Variants in TDRD7 observed in about 807,000 individuals in gnomAD.
The protein encoded by TDRD7 is tudor domain containing 7.
In TDRD7, 47 loss-of-function variants were observed where a neutral mutation model predicts 109.8. The observed-to-expected ratio is 0.43, with a 90% CI of 0.34 to 0.55. The LOEUF is 0.55. TDRD7 is among the 20% of genes least tolerant of loss of function. The pLI, the probability that TDRD7 is intolerant of heterozygous loss-of-function variation, is 0.03. For missense variants in TDRD7, 1,164 were observed against 1,319.2 expected (o/e 0.88, Z 1.82); for synonymous variants, 424 against 457.3 (o/e 0.93, Z 0.93).
At chr9:97,440,872 ACTGTCAG>A (rs1159351676) in intron 5 of TDRD7, among the ~76,000 whole-genome samples, 1 of 152,206 alleles carries the variant, frequency 6.6e-6, no homozygotes, top group Non-Finnish European at 1.5e-5. Context: ...AAATTCCAGG[ACTGTCAG>A]CTATAGTAAA....
intron 4 of TDRD7, among the ~76,000 whole-genome samples, chr9:97,435,621 G>A (rs1326891884): frequency 9.2e-6 from 1 of 108,900 alleles, no homozygotes; most frequent in Non-Finnish European, 1.9e-5. Context: ...GGGTGACAGG[G>A]TAAGACCCTC....
intron 1 of TDRD7, among the ~76,000 whole-genome samples, chr9:97,414,476 C>T (rs898512406): frequency 6.6e-6 from 1 of 152,172 alleles, no homozygotes; most frequent in African/African-American, 2.4e-5. Context: ...TCTTGCCCAC[C>T]TTTCTTATCT....
At chr9:97,431,823 A>G (rs1228322408) in intron 3 of TDRD7, among the ~76,000 whole-genome samples, 1 of 152,178 alleles carries the variant, frequency 6.6e-6, no homozygotes, top group African/African-American at 2.4e-5. Flanking sequence ...GGCCAGTCTG[A>G]TGGATGAAGA....
In TDRD7 at chr9:97,460,250, G is replaced by C; in HGVS notation, c.928G>C (p.Glu310Gln). The change falls in exon 7 of 17, where the codon GAA (glutamate) becomes CAA (glutamine). Residue 310 changes from glutamate (E) to glutamine (Q), a missense_variant. Physicochemically the swap from Glu to Gln is conservative, Grantham distance 29 (BLOSUM62 2). Transcript: ENST00000355295. ...PAKRKQLLRS[E>Q]LDTEKVPLSP... is the part of the protein sequence containing the mutation. Reference sequence around the variant, plus strand: ...TAAGAGAAAGCAGCTTTTGAGAAGTGAACTGGATACTGAGAAAGTACCTCT... The same window carrying C: ...TAAGAGAAAGCAGCTTTTGAGAAGTCAACTGGATACTGAGAAAGTACCTCT... 6.2e-7 allele frequency: 1 copy of C among 1,614,204 alleles called. No homozygotes were observed. The highest frequency in any genetic ancestry group is 8.5e-7 in the Non-Finnish European group (1 of 1,180,028).
Position 97,482,986 on chromosome 9 carries a change from G to T in TDRD7, c.2550G>T (p.Leu850Phe). ...GGAAGCATCAGAAGGATGTGTTTTT[G>T]AGTGCCATATCCAGTGGAGCTGACT... ...DLWKHQKDVFLSAISSGADSP... is the reference protein window; with the variant it reads ...DLWKHQKDVFFSAISSGADSP... Residue 850 changes from leucine (L) to phenylalanine (F), a missense_variant, in exon 15 of 17, where the codon TTG becomes TTT. Coordinates refer to ENST00000355295, the MANE Select transcript of TDRD7 (RefSeq NM_014290.3). The T allele has an allele frequency of 1.2e-6, 2 of 1,614,162 alleles. No homozygotes were observed. The highest frequency in any genetic ancestry group is 1.7e-6 in the Non-Finnish European group (2 of 1,180,032).
In TDRD7 at chr9:97,445,414, A is replaced by T. The variant is rs540707935; in HGVS notation, c.855+3539A>T. On this transcript the variant is annotated intron_variant, in intron 6 of 16. Coordinates refer to ENST00000355295, the MANE Select transcript of TDRD7 (RefSeq NM_014290.3). ...AACTTTCTGTCCAATGGGAAAATAA[A>T]CATTGAACAAATAATGATAAGCCTG... is the stretch of plus-strand genomic sequence containing the variant. Among the ~76,000 whole-genome samples, 7 of 152,344 alleles carry T rather than the reference A, an allele frequency of 4.6e-5. No individual in the cohort carries two copies. In the South Asian group the frequency reaches 1.2e-3, roughly 27 times the overall value.
intron 16 of TDRD7, 131 bp from the exon 17 acceptor site, chr9:97,495,532 C>G: frequency 1.2e-6 from 1 of 850,976 alleles, no homozygotes; most frequent in Admixed American, 1.8e-5. Context: ...AACCGTTTTT[C>G]AGTTCAGGCA....
At chr9:97,449,234 C>G (rs948948852) in intron 6 of TDRD7, among the ~76,000 whole-genome samples, 1 of 152,160 alleles carries the variant, frequency 6.6e-6, no homozygotes, top group East Asian at 1.9e-4. Context: ...CAAATGTGGG[C>G]GTTTTCCCCA....
rs900710912 is a variant in TDRD7, at chr9:97,486,410, G to A, written c.2916-762G>A. 2.6e-5 allele frequency among the ~76,000 whole-genome samples: 4 copies of A among 152,114 alleles called. No homozygotes were observed. The South Asian group carries it at 8.3e-4, about 32-fold the overall frequency. ...CTGTAGGGGTAAGTAGATTCCTGTG[G>A]ATTTCCTTCTGGTGCCTTGAGCTCC... On this transcript the variant is annotated intron_variant, in intron 15 of 16. Coordinates refer to ENST00000355295, the MANE Select transcript of TDRD7 (RefSeq NM_014290.3).
At chr9:97,423,602 A>G (rs999349292) in intron 1 of TDRD7, among the ~76,000 whole-genome samples, 10 of 152,128 alleles carry the variant, frequency 6.6e-5, no homozygotes, top group African/African-American at 2.4e-4. Flanking sequence ...TTCTCAAAGT[A>G]GGAGAATAGA....
At chr9:97,461,023 C>T (rs1828712512) in intron 7 of TDRD7, among the ~76,000 whole-genome samples, 1 of 151,858 alleles carries the variant, frequency 6.6e-6, no homozygotes, top group Non-Finnish European at 1.5e-5. Context: ...TGCCTGTAGT[C>T]CCAGCTACTC....
chr9:97,478,394 C>T, intron 12 of TDRD7, 45 bp from the exon 13 acceptor site: 1 of 1,612,490 alleles, frequency 6.2e-7, no homozygotes, highest in Non-Finnish European at 8.5e-7. Flanking sequence ...GCATTTTGGT[C>T]TTTTGAATAT....
At chr9:97,487,813 A>T (rs1299149993) in intron 16 of TDRD7, among the ~76,000 whole-genome samples, 2 of 152,132 alleles carry the variant, frequency 1.3e-5, no homozygotes, top group African/African-American at 4.8e-5. Flanking sequence ...AATGGAAACA[A>T]CCTATTATAA....
chr9:97,487,761 A>G (rs1829236708), intron 16 of TDRD7, among the ~76,000 whole-genome samples: 1 of 152,194 alleles, frequency 6.6e-6, no homozygotes, highest in African/African-American at 2.4e-5. Flanking sequence ...AATATCAAGA[A>G]AAACCCTGCA....
rs774754347 is a variant in TDRD7 at position 97,464,836 on chromosome 9, A to G, written c.1443-6A>G. ...CATTTGCATTCTCTTCTTTTAACTG[A>G]TTCAGGTATGTGGGCAAAGACTATT... is the stretch of plus-strand genomic sequence containing the variant. On this transcript the variant is annotated splice_region_variant and splice_polypyrimidine_tract_variant and intron_variant, in intron 7 of 16. Transcript: ENST00000355295. The G allele has an allele frequency of 5.0e-6, 8 of 1,614,070 alleles. No homozygotes were observed. Among genetic ancestry groups the G allele is most frequent in the Non-Finnish European group, 6.8e-6 (8 of 1,179,966 alleles).
At chr9:97,413,181 C>G (rs1188651865) in intron 1 of TDRD7, among the ~76,000 whole-genome samples, 2 of 152,206 alleles carry the variant, frequency 1.3e-5, no homozygotes, top group Non-Finnish European at 1.5e-5. Flanking sequence ...GAGAAATGTT[C>G]TCTCTAGAGA....
intron 1 of TDRD7, among the ~76,000 whole-genome samples, chr9:97,423,319 T>G (rs1827928414): frequency 6.6e-6 from 1 of 152,174 alleles, no homozygotes; most frequent in African/African-American, 2.4e-5. Context: ...ATAACTGTTT[T>G]ATCATGTTCT....
At chr9:97,440,784 G>C (rs960949121) in intron 5 of TDRD7, among the ~76,000 whole-genome samples, 2 of 152,114 alleles carry the variant, frequency 1.3e-5, no homozygotes, top group African/African-American at 4.8e-5. Context: ...TTTGCATATA[G>C]ATGGTAATAT....
chr9:97,463,802 A>G (rs1039794958), intron 7 of TDRD7, among the ~76,000 whole-genome samples: 1 of 152,240 alleles, frequency 6.6e-6, no homozygotes, highest in African/African-American at 2.4e-5. Context: ...CAACAGTAGA[A>G]AAGTGTAGAA....
Sources: gnomAD v4.1 joint callset for allele counts (sites outside exome capture counted in the v4.1 genomes callset) on GRCh38, gnomAD v4.1.1 for gene constraint, MANE v1.5 for transcripts, NCBI Gene and HGNC (gene_info 2026-07-23, HGNC 2026-07-21) for gene names.